ARK2C: variants seen among roughly 807,000 people sequenced by gnomAD.
The protein encoded by ARK2C is arkadia (RNF111) C-terminal like ring finger ubiquitin ligase 2C.
At chr18:46,334,371 G>T in the ARK2C span, 5 of 1,564,254 alleles carry the variant, frequency 3.2e-6, no homozygotes, top group Non-Finnish European at 4.3e-6. This position sits in a 1 kb window ranked among gnomAD's most constrained non-coding sequence, Gnocchi z 4.4. Flanking sequence ...GCTTCGGAGC[G>T]TGGATCGCCG....
chr18:46,357,147 C>T, the ARK2C span, among the ~76,000 whole-genome samples: 1 of 152,156 alleles, frequency 6.6e-6, no homozygotes, highest in Non-Finnish European at 1.5e-5. Context: ...GGACAGAATG[C>T]ACATAGGAAA....
At chr18:46,376,617 T>C in the ARK2C span, among the ~76,000 whole-genome samples, 5 of 150,582 alleles carry the variant, frequency 3.3e-5, no homozygotes, top group African/African-American at 1.2e-4. Context: ...TTTTGGGGCC[T>C]CAGTTCAGTT....
chr18:46,382,544 T>A, the ARK2C span, among the ~76,000 whole-genome samples: 3 of 152,228 alleles, frequency 2.0e-5, no homozygotes, highest in African/African-American at 7.2e-5. Flanking sequence ...ACTGCTTATT[T>A]TACTTACTAC....
chr18:46,423,458 T>C, the ARK2C span, among the ~76,000 whole-genome samples: 2 of 152,148 alleles, frequency 1.3e-5, no homozygotes, highest in Non-Finnish European at 2.9e-5. Context: ...CTAGGGGAAC[T>C]CAGGAGAGAG....
At chr18:46,396,923 G>A in the ARK2C span, among the ~76,000 whole-genome samples, 4 of 152,238 alleles carry the variant, frequency 2.6e-5, no homozygotes, top group Admixed American at 6.5e-5. Context: ...ACATCCAGCT[G>A]TGCCTGGGCA....
chr18:46,442,988 G>T, the ARK2C span, among the ~76,000 whole-genome samples: 1 of 152,118 alleles, frequency 6.6e-6, no homozygotes, highest in African/African-American at 2.4e-5. Flanking sequence ...CACTTACGGG[G>T]TATATCTCTT....
chr18:46,351,560 G>A, the ARK2C span, among the ~76,000 whole-genome samples: 2 of 152,150 alleles, frequency 1.3e-5, no homozygotes, highest in Non-Finnish European at 2.9e-5. Flanking sequence ...GCCCCTTCCT[G>A]CTAAGCCCAG....
the ARK2C span, among the ~76,000 whole-genome samples, chr18:46,391,938 C>T: frequency 1.3e-5 from 2 of 151,658 alleles, no homozygotes; most frequent in South Asian, 4.2e-4. Context: ...ACCATGCACA[C>T]AACACACACG....
chr18:46,445,685 T>A, the ARK2C span, among the ~76,000 whole-genome samples: 1 of 152,206 alleles, frequency 6.6e-6, no homozygotes, highest in Non-Finnish European at 1.5e-5. Flanking sequence ...TGGTCTGGAA[T>A]GTGCCTTCAT....
the ARK2C span, among the ~76,000 whole-genome samples, chr18:46,375,987 A>G: frequency 6.6e-6 from 1 of 152,126 alleles, no homozygotes; most frequent in Non-Finnish European, 1.5e-5. Flanking sequence ...TACGAAGTGG[A>G]TGATAATAGC....
chr18:46,387,315 C>G, the ARK2C span, among the ~76,000 whole-genome samples: 1 of 152,208 alleles, frequency 6.6e-6, no homozygotes, highest in South Asian at 2.1e-4. Flanking sequence ...TGCATTGAAA[C>G]AAGCCCCCAT....
At chr18:46,397,979 T>A in the ARK2C span, among the ~76,000 whole-genome samples, 1 of 138,504 alleles carries the variant, frequency 7.2e-6, no homozygotes. Flanking sequence ...TGTGTGGTCA[T>A]GCGGAGGTGT....
the ARK2C span, among the ~76,000 whole-genome samples, chr18:46,338,337 C>T: frequency 6.6e-6 from 1 of 152,172 alleles, no homozygotes; most frequent in African/African-American, 2.4e-5. Context: ...TGACTCAGGC[C>T]ACTCCCACCC....
At chr18:46,421,999 G>A in the ARK2C span, among the ~76,000 whole-genome samples, 1 of 152,286 alleles carries the variant, frequency 6.6e-6, no homozygotes, top group African/African-American at 2.4e-5. Flanking sequence ...AGAGAGGGAG[G>A]AAAGCAGACC....
At chr18:46,441,613 G>A in the ARK2C span, among the ~76,000 whole-genome samples, 2 of 152,180 alleles carry the variant, frequency 1.3e-5, no homozygotes, top group Non-Finnish European at 2.9e-5. Context: ...ATCAGGCCAG[G>A]CGCGGTGGCT....
At chr18:46,416,322 G>C in the ARK2C span, among the ~76,000 whole-genome samples, 1 of 152,126 alleles carries the variant, frequency 6.6e-6, no homozygotes, top group Non-Finnish European at 1.5e-5. Flanking sequence ...ACAGAAACCT[G>C]GCTCATGATA....
At chr18:46,397,691 T>G in the ARK2C span, among the ~76,000 whole-genome samples, 2 of 133,882 alleles carry the variant, frequency 1.5e-5, no homozygotes, top group South Asian at 5.1e-4. Flanking sequence ...TGTGTGGTTA[T>G]GCTGGGGTGT....
the ARK2C span, chr18:46,386,768 G>A: frequency 2.0e-5 from 3 of 152,222 alleles, no homozygotes; most frequent in African/African-American, 7.2e-5. Flanking sequence ...GAACTGGGGA[G>A]CTGGACATGC....
At chr18:46,383,363 C>A in the ARK2C span, among the ~76,000 whole-genome samples, 1 of 151,856 alleles carries the variant, frequency 6.6e-6, no homozygotes, top group African/African-American at 2.4e-5. Context: ...GCACCTGGTT[C>A]GAAAGGGGAT....
Sources: allele counts gnomAD v4.1 joint callset (sites outside exome capture counted in the v4.1 genomes callset), GRCh38; gene constraint gnomAD v4.1.1; non-coding constraint Gnocchi (gnomAD v3.1); transcripts MANE v1.5; gene names NCBI Gene and HGNC (gene_info 2026-07-23, HGNC 2026-07-21).